Variants in SPG7 observed in about 807,000 individuals in gnomAD.
SPG7 encodes the protein SPG7 matrix AAA peptidase subunit, paraplegin.
In SPG7, 103 loss-of-function variants were observed where a neutral mutation model predicts 81.9. That is an observed-to-expected ratio of 1.26 (90% CI 1.07 to 1.48). The LOEUF is 1.48. Ranked by LOEUF, SPG7 falls within the 40% of genes most tolerant of loss-of-function variation. The pLI is 0.00. For missense variants in SPG7, 1,241 were observed against 1,087.3 expected (o/e 1.14, Z -1.99); for synonymous variants, 534 against 444.2 (o/e 1.20, Z -2.54).
chr16:89,550,643 T>C, intron 13 of SPG7, 34 bp downstream of exon 13: 1 of 1,467,696 alleles, frequency 6.8e-7, no homozygotes, highest in Non-Finnish European at 9.5e-7. Context: ...CCACGGGCCT[T>C]GGCCAAAGGT....
At chr16:89,533,857 G>T (rs749084154) in intron 9 of SPG7, 1 of 152,096 alleles carries the variant, frequency 6.6e-6, no homozygotes. Flanking sequence ...TAGATAGCCA[G>T]GCTTGGTGGT....
chr16:89,532,825 T>G, intron 9 of SPG7, 189 bp downstream of exon 9: 4 of 690,984 alleles, frequency 5.8e-6, no homozygotes, highest in South Asian at 5.1e-5. Flanking sequence ...GGCTCACGCC[T>G]GTAATCCCAG....
intron 3 of SPG7, among the ~76,000 whole-genome samples, chr16:89,516,597 A>T (rs563595537): frequency 6.6e-6 from 1 of 151,954 alleles, no homozygotes; most frequent in Non-Finnish European, 1.5e-5. Context: ...GTGGTGGCTC[A>T]TGCCTGTCAT....
At chr16:89,529,098 C>T (rs2058306617) in intron 5 of SPG7, 1 of 341,902 alleles carries the variant, frequency 2.9e-6, no homozygotes, top group Non-Finnish European at 5.7e-6. Flanking sequence ...AGGCGTGAGC[C>T]ACCGCGCCCG....
chr16:89,512,879 CT>C, intron 2 of SPG7, 68 bp from the exon 3 acceptor site: 2 of 1,573,394 alleles, frequency 1.3e-6, no homozygotes, highest in South Asian at 2.2e-5. Context: ...TAGGAGTACA[CT>C]GTTGTCCTGT....
chr16:89,539,203 T>G (rs1423175840), intron 9 of SPG7: 1 of 152,226 alleles, frequency 6.6e-6, no homozygotes, highest in Non-Finnish European at 1.5e-5. Flanking sequence ...AAAGTTCAGT[T>G]TATCAATTTT....
intron 5 of SPG7, 67 bp downstream of exon 5, chr16:89,526,535 TTG>T: frequency 4.4e-6 from 7 of 1,588,968 alleles, no homozygotes; most frequent in Non-Finnish European, 6.0e-6. Context: ...GAGAAACAGA[TTG>T]CAATCAAAAA....
At position 89,554,530 on chromosome 16, in the gene SPG7, G is replaced by C. The variant is rs776661222; in HGVS notation, c.2148G>C (p.Lys716Asn). The C allele has an allele frequency of 3.7e-6, 6 of 1,609,764 alleles. No homozygotes were observed. Among genetic ancestry groups the C allele is most frequent in the Non-Finnish European group, 5.1e-6 (6 of 1,179,938 alleles). ...CCAAGGCCTACAGACACACCGAGAAGGTGCTGCAGGACAACCTGGACAAGT... is the reference window on the plus strand; with the variant it reads ...CCAAGGCCTACAGACACACCGAGAACGTGCTGCAGGACAACCTGGACAAGT... The part of the protein sequence containing the change: ...LVAKAYRHTE[K>N]VLQDNLDKLQ... Residue 716 changes from lysine (K) to asparagine (N), a missense_variant, in exon 16 of 17, where the codon AAG (lysine) becomes AAC (asparagine). Transcript: ENST00000645818.
chr16:89,524,052 G>A lies in SPG7; in HGVS notation c.423G>A (p.Arg141=), dbSNP rs777943597. The change falls in exon 4 of 17, where the codon CGG becomes CGA. Residue 141 remains arginine (R), a synonymous_variant. Transcript: ENST00000645818. ...GGGACGACCAGATGTACCGAGAGCG[G>A]CTGCGCACCTTGCTGGTCATCGCGG... ...RERDDQMYRE[R]LRTLLVIAVV... The A allele has an allele frequency of 6.2e-7, 1 of 1,613,650 alleles. No homozygotes were observed.
At chr16:89,508,673 G>A in intron 1 of SPG7, 73 bp downstream of exon 1, 1 of 1,365,166 alleles carries the variant, frequency 7.3e-7, no homozygotes, top group Non-Finnish European at 9.6e-7. Context: ...GGCGGGGCGG[G>A]TCGGAGGCCG....
At chr16:89,546,390 G>A in intron 10 of SPG7, 1 of 425,100 alleles carries the variant, frequency 2.4e-6, no homozygotes, top group South Asian at 2.0e-5. Flanking sequence ...TTAAAATGCT[G>A]CTTGTGGCCA....
At chr16:89,519,748 C>A (rs1380203248) in intron 3 of SPG7, 1 of 152,186 alleles carries the variant, frequency 6.6e-6, no homozygotes, top group African/African-American at 2.4e-5. Context: ...AGTGTGAATG[C>A]GTCAAGGTGG....
intron 15 of SPG7, 40 bp from the exon 16 acceptor site, chr16:89,554,446 C>T (rs752998351): frequency 9.1e-6 from 13 of 1,428,196 alleles, no homozygotes; most frequent in African/African-American, 1.4e-5. Context: ...TGGAGCCAGG[C>T]GGCCAGCCTT....
chr16:89,546,944 C>A (rs1027652097), intron 11 of SPG7, 184 bp downstream of exon 11: 4 of 615,048 alleles, frequency 6.5e-6, no homozygotes, highest in Non-Finnish European at 1.2e-5. Flanking sequence ...CAGACGGCAC[C>A]CGCACTCCGT....
At chr16:89,537,301 C>T in intron 9 of SPG7, 3 of 1,292,954 alleles carry the variant, frequency 2.3e-6, no homozygotes, top group Non-Finnish European at 2.0e-6. Flanking sequence ...GGGAAGGGCG[C>T]AAGTCAAAGA....
At chr16:89,520,380 T>TTTTGTTTG (rs113614318) in intron 3 of SPG7, 72 of 185,898 alleles carry the variant, frequency 3.9e-4, no homozygotes, top group African/African-American at 1.4e-3. Flanking sequence ...CCTAGAGTGC[T>TTTTGTTTG]TTTGTTTGTT....
chr16:89,527,128 G>T (rs2058274830), intron 5 of SPG7: 1 of 160,536 alleles, frequency 6.2e-6, no homozygotes, highest in Non-Finnish European at 1.4e-5. Context: ...TATACTTTAG[G>T]GAATAATGAC....
intron 1 of SPG7, among the ~76,000 whole-genome samples, chr16:89,509,923 G>C (rs1597599841): frequency 6.6e-6 from 1 of 151,332 alleles, no homozygotes; most frequent in South Asian, 2.1e-4. Context: ...CAAAGTGCTG[G>C]GATTACAGAC....
intron 10 of SPG7, chr16:89,545,908 A>G (rs2058557850): frequency 4.4e-6 from 2 of 450,954 alleles, no homozygotes; most frequent in South Asian, 3.1e-5. Flanking sequence ...GCTGGAGTGC[A>G]GTGCTGCGAT....
Sources: gnomAD v4.1 joint callset for allele counts (sites outside exome capture counted in the v4.1 genomes callset) on GRCh38, gnomAD v4.1.1 for gene constraint, MANE v1.5 for transcripts, NCBI Gene and HGNC (gene_info 2026-07-23, HGNC 2026-07-21) for gene names.